The following ARPP21 variants were observed in gnomAD, a reference collection of about 807,000 sequenced individuals.
ARPP21 encodes cAMP regulated phosphoprotein 21.
In ARPP21, 69 loss-of-function variants were observed where a neutral mutation model predicts 113.2. The observed-to-expected ratio is 0.61, with a 90% CI of 0.50 to 0.74. ARPP21 has a LOEUF of 0.74. Among genes scored for constraint, ARPP21 ranks in the 30% least tolerant of loss-of-function variants. The probability of loss-of-function intolerance (pLI) is 0.00; values close to 1 mark genes in which losing one functional copy is unlikely to be tolerated. For synonymous variants in ARPP21, 368 were observed against 375.5 expected (o/e 0.98, Z 0.23); for missense variants, 1,070 against 1,037.4 (o/e 1.03, Z -0.43).
chr3:35,651,756 T>G (rs1444443539), intron 1 of ARPP21: 2 of 152,100 alleles, frequency 1.3e-5, no homozygotes, highest in Admixed American at 6.6e-5. Context: ...TTTTGGAGTT[T>G]CTTATGTCCT....
intron 1 of ARPP21, among the ~76,000 whole-genome samples, chr3:35,668,014 G>GAAA (rs1553646379): frequency 8.3e-4 from 124 of 149,852 alleles, no homozygotes; most frequent in African/African-American, 2.9e-3. Context: ...AGAAGAAGAA[G>GAAA]AAGAAGAAGA....
In ARPP21 at chr3:35,682,894, G is replaced by A. The variant is rs1345526376; in HGVS notation, c.171+5G>A. ...CAAGAAAGAAGAAAATCCAAGGTAG[G>A]GTTCTTAACATTCTAGGTAGACCTG... On this transcript the variant is annotated splice_donor_5th_base_variant and intron_variant, in intron 4 of 20. Transcript: ENST00000684406. The A allele has an allele frequency of 3.1e-6, 5 of 1,606,566 alleles. No homozygotes were observed. The highest frequency in any genetic ancestry group is 1.3e-5 in the African/African-American group (1 of 74,366).
At chr3:35,698,139 CT>C (rs1462009365) in intron 9 of ARPP21, among the ~76,000 whole-genome samples, 1 of 151,636 alleles carries the variant, frequency 6.6e-6, no homozygotes, top group Non-Finnish European at 1.5e-5. Context: ...GAGCAAGACA[CT>C]TCGTTTTTTA....
chr3:35,698,367 TTGAG>T (rs1365838619), intron 9 of ARPP21, among the ~76,000 whole-genome samples: 1 of 151,644 alleles, frequency 6.6e-6, no homozygotes, highest in African/African-American at 2.4e-5. Flanking sequence ...TTATGAGCCT[TTGAG>T]TGTGAATGTA....
chr3:35,757,515 A>T (rs2095616610), intron 19 of ARPP21, among the ~76,000 whole-genome samples: 1 of 152,122 alleles, frequency 6.6e-6, no homozygotes, highest in Non-Finnish European at 1.5e-5. Context: ...TAAATCCGAG[A>T]AAAAAGCTCC....
At chr3:35,665,370 A>G (rs1175182368) in intron 1 of ARPP21, among the ~76,000 whole-genome samples, 1 of 152,146 alleles carries the variant, frequency 6.6e-6, no homozygotes, top group African/African-American at 2.4e-5. Context: ...CTCTCATGAA[A>G]TTATGAGAGC....
chr3:35,752,035 A>G (rs958798886), intron 19 of ARPP21, among the ~76,000 whole-genome samples: 55 of 152,120 alleles, frequency 3.6e-4, no homozygotes, highest in African/African-American at 1.3e-3. Flanking sequence ...CTTCCCAGAT[A>G]GAGAAGGTGG....
intron 1 of ARPP21, among the ~76,000 whole-genome samples, chr3:35,678,189 T>G (rs898131183): frequency 2.0e-5 from 3 of 151,946 alleles, no homozygotes; most frequent in Admixed American, 2.0e-4. Context: ...ATAATGCATC[T>G]AAGACTTAGT....
intron 19 of ARPP21, among the ~76,000 whole-genome samples, chr3:35,759,274 A>G (rs551858093): frequency 6.6e-6 from 1 of 152,180 alleles, no homozygotes; most frequent in Admixed American, 6.5e-5. Context: ...AATGCTCGCT[A>G]TGCCTAGGAA....
chr3:35,685,004 C>T, intron 5 of ARPP21: 1 of 984,110 alleles, frequency 1.0e-6, no homozygotes, highest in Non-Finnish European at 1.2e-6. Flanking sequence ...AATATCACGG[C>T]TTATATTATT....
rs1297851649 is a variant in ARPP21, at chr3:35,739,560, C to T, written c.1993C>T (p.Gln665Ter). ...TCCCTCACCACAGGGATTTGTGCAA[C>T]AGCCTCCGCCTGCACAGGTAGGTGT... ...PPPSPQGFVQ[Q>*]PPPAQMPVYY... The change falls in exon 18 of 21, where the codon CAG (glutamine) becomes TAG (stop). Residue 665 changes from glutamine to a stop codon, truncating the protein, a stop_gained. Transcript: ENST00000684406. LOFTEE classifies it high-confidence loss of function. 6.2e-7 allele frequency: 1 copy of T among 1,612,840 alleles called. No homozygotes were observed. Among genetic ancestry groups the T allele is most frequent in the African/African-American group, 1.3e-5 (1 of 74,942 alleles).
intron 5 of ARPP21, 56 bp downstream of exon 5, chr3:35,683,871 A>C (rs1397543930): frequency 1.0e-6 from 1 of 956,056 alleles, no homozygotes; most frequent in Admixed American, 1.7e-5. Context: ...CTTTGTGTGC[A>C]TGACTCTTAA....
intron 6 of ARPP21, among the ~76,000 whole-genome samples, chr3:35,688,898 T>A (rs1428234544): frequency 6.6e-6 from 1 of 151,272 alleles, no homozygotes; most frequent in Non-Finnish European, 1.5e-5. Flanking sequence ...TTTTTTGCCT[T>A]CTTTGTTTTA....
At chr3:35,672,475 A>T (rs977514116) in intron 1 of ARPP21, among the ~76,000 whole-genome samples, 3 of 152,054 alleles carry the variant, frequency 2.0e-5, no homozygotes, top group African/African-American at 7.2e-5. Context: ...GCATGATTAG[A>T]TATCTTGGCC....
intron 1 of ARPP21, among the ~76,000 whole-genome samples, chr3:35,660,161 A>T (rs1707033124): frequency 6.6e-6 from 1 of 152,194 alleles, no homozygotes; most frequent in African/African-American, 2.4e-5. Flanking sequence ...TTAATAAATA[A>T]TCATGAGGTA....
chr3:35,727,427 C>T (rs879330996), intron 14 of ARPP21, among the ~76,000 whole-genome samples: 10 of 152,292 alleles, frequency 6.6e-5, no homozygotes, highest in South Asian at 2.1e-4. Context: ...CAAGTGCTTA[C>T]GCATACTAAG....
Position 35,687,898 on chromosome 3 carries a change from AT to A in ARPP21, c.406+18del, listed in dbSNP as rs2081078631. ...GTTATCAAAAGGTGAATGTGAAAATATTTCCTTAACTTACTCAATTTGGGCA... is the reference window on the plus strand; with the variant it reads ...GTTATCAAAAGGTGAATGTGAAAATATTCCTTAACTTACTCAATTTGGGCA... On this transcript the variant is annotated intron_variant, in intron 6 of 20. Transcript: ENST00000684406. 1 of 1,574,882 alleles carries A rather than the reference AT, an allele frequency of 6.3e-7. No individual in the cohort carries two copies.
At chr3:35,714,690 A>G (rs550911904) in intron 11 of ARPP21, among the ~76,000 whole-genome samples, 1 of 152,282 alleles carries the variant, frequency 6.6e-6, no homozygotes, top group East Asian at 1.9e-4. Context: ...ACCTTTCCTC[A>G]GCATGTAATG....
rs373172498 is a variant in ARPP21, at chr3:35,786,564, T to C, written c.2138-5818T>C. 2.1e-3 allele frequency among the ~76,000 whole-genome samples: 313 copies of C among 151,878 alleles called. 1 individual carries two copies. The highest frequency in any genetic ancestry group is 6.6e-3 in the African/African-American group (275 of 41,418). On this transcript the variant is annotated intron_variant, in intron 19 of 20. Transcript: ENST00000684406. ...AAAAGTTCTACTTAGGGTTTTAGAT[T>C]ACATAAATTGGGAGGTTGGCATATA... is the stretch of plus-strand genomic sequence containing the variant.
Sources: allele counts gnomAD v4.1 joint callset (sites outside exome capture counted in the v4.1 genomes callset), GRCh38; gene constraint gnomAD v4.1.1; transcripts MANE v1.5; gene names NCBI Gene and HGNC (gene_info 2026-07-23, HGNC 2026-07-21).